Variants in C8orf34 observed in about 807,000 individuals in gnomAD.
C8orf34 encodes uncharacterized protein C8orf34.
Under a neutral mutation model 68.3 loss-of-function variants are expected in C8orf34, and 65 were observed. That is an observed-to-expected ratio of 0.95 (90% CI 0.78 to 1.17). The LOEUF is 1.17. Ranked by LOEUF, C8orf34 falls within the 50% of genes most tolerant of loss-of-function variation. The probability of loss-of-function intolerance (pLI) is 0.00; values close to 1 mark genes in which losing one functional copy is unlikely to be tolerated. For synonymous variants in C8orf34, 244 were observed against 241.2 expected (o/e 1.01, Z -0.11); for missense variants, 664 against 655.4 (o/e 1.01, Z -0.14).
chr8:68,770,577 AC>A (rs1823310788), intron 10 of C8orf34, among the ~76,000 whole-genome samples: 1 of 152,150 alleles, frequency 6.6e-6, no homozygotes, highest in African/African-American at 2.4e-5. Context: ...TTCTTGTCCA[AC>A]ATCCACTGAT....
intron 10 of C8orf34, among the ~76,000 whole-genome samples, chr8:68,741,446 A>G (rs1822290592): frequency 6.6e-6 from 1 of 152,132 alleles, no homozygotes; most frequent in Non-Finnish European, 1.5e-5. Flanking sequence ...AACCTCAAGC[A>G]CTTATTCTTC....
intron 8 of C8orf34, among the ~76,000 whole-genome samples, chr8:68,685,636 G>T (rs960964773): frequency 2.0e-5 from 3 of 151,916 alleles, no homozygotes; most frequent in Admixed American, 1.3e-4. Context: ...CAGGTGGATT[G>T]CTTGAGCCCA....
intron 3 of C8orf34, among the ~76,000 whole-genome samples, chr8:68,460,056 C>T (rs573304658): frequency 1.8e-3 from 271 of 152,124 alleles, no homozygotes; most frequent in African/African-American, 5.4e-3. Context: ...GGGTGACAGA[C>T]GGCACCTGGA....
At chr8:68,465,169 A>G (rs1812055750) in intron 3 of C8orf34, among the ~76,000 whole-genome samples, 1 of 152,196 alleles carries the variant, frequency 6.6e-6, no homozygotes, top group Admixed American at 6.5e-5. Context: ...ACAAAAGAAG[A>G]CAATTATGCA....
chr8:68,598,860 G>GA (rs1465831230), intron 7 of C8orf34, among the ~76,000 whole-genome samples: 2 of 152,116 alleles, frequency 1.3e-5, no homozygotes, highest in Non-Finnish European at 2.9e-5. Flanking sequence ...GGACGAGGAA[G>GA]AGGATTTTCT....
At chr8:68,423,554 G>C (rs1317487872) in intron 1 of C8orf34, among the ~76,000 whole-genome samples, 1 of 152,126 alleles carries the variant, frequency 6.6e-6, no homozygotes, top group Non-Finnish European at 1.5e-5. Context: ...CAAGTCTCTA[G>C]GAAGCTCCAA....
intron 8 of C8orf34, among the ~76,000 whole-genome samples, chr8:68,679,158 G>T (rs554169743): frequency 2.0e-5 from 3 of 151,898 alleles, no homozygotes; most frequent in African/African-American, 4.8e-5. Context: ...ATGGTGGCAC[G>T]CACCTATAGT....
chr8:68,633,639 A>G (rs1368138374), intron 7 of C8orf34, among the ~76,000 whole-genome samples: 1 of 152,190 alleles, frequency 6.6e-6, no homozygotes, highest in African/African-American at 2.4e-5. Context: ...TCTTCTTAAC[A>G]AACTAAATTT....
At chr8:68,591,213 A>G (rs1563548494) in intron 7 of C8orf34, among the ~76,000 whole-genome samples, 1 of 152,160 alleles carries the variant, frequency 6.6e-6, no homozygotes. Context: ...TAACTCTTTT[A>G]TTTGGCAAAA....
At chr8:68,430,848 C>A (rs1810423644) in intron 1 of C8orf34, among the ~76,000 whole-genome samples, 1 of 151,980 alleles carries the variant, frequency 6.6e-6, no homozygotes, top group African/African-American at 2.4e-5. Flanking sequence ...TGAGAGAGAC[C>A]AAACAGGCAA....
intron 10 of C8orf34, among the ~76,000 whole-genome samples, chr8:68,736,536 A>G (rs566026975): frequency 6.6e-6 from 1 of 152,122 alleles, no homozygotes; most frequent in Non-Finnish European, 1.5e-5. Flanking sequence ...AGAGAGTTCC[A>G]TGATGTAGAT....
chr8:68,344,686 A>G (rs774793432), intron 1 of C8orf34, among the ~76,000 whole-genome samples: 6 of 152,180 alleles, frequency 3.9e-5, no homozygotes, highest in Non-Finnish European at 7.4e-5. Context: ...GAAAGTAGAC[A>G]GGGTTGCATA....
intron 8 of C8orf34, among the ~76,000 whole-genome samples, chr8:68,660,438 T>G (rs898935599): frequency 2.2e-4 from 34 of 151,882 alleles, no homozygotes; most frequent in African/African-American, 8.2e-4. Flanking sequence ...TAACAGGGGG[T>G]CTGGAGGGTG....
chr8:68,541,466 A>G (rs1815698446), intron 7 of C8orf34, among the ~76,000 whole-genome samples: 1 of 152,034 alleles, frequency 6.6e-6, no homozygotes, highest in Non-Finnish European at 1.5e-5. Flanking sequence ...ATTTTGTCTC[A>G]GAAAGAAAAA....
intron 7 of C8orf34, among the ~76,000 whole-genome samples, chr8:68,627,820 T>A (rs28460314): frequency 0.043 from 6,558 of 152,268 alleles, 480 homozygotes; most frequent in African/African-American, 0.15. Context: ...TCTAGTCTAC[T>A]AATTTTTACA....
intron 6 of C8orf34, among the ~76,000 whole-genome samples, chr8:68,522,895 C>T (rs141787273): frequency 2.8e-4 from 43 of 152,274 alleles, no homozygotes; most frequent in African/African-American, 9.6e-4. Context: ...GCCACAGTAA[C>T]TTGGCATTTT....
chr8:68,799,035 G>A (rs1824257233), intron 12 of C8orf34, among the ~76,000 whole-genome samples: 1 of 152,086 alleles, frequency 6.6e-6, no homozygotes, highest in African/African-American at 2.4e-5. Context: ...ATCAGAGAAG[G>A]CTGTATTTAA....
At chr8:68,528,339 C>T (rs915015899) in intron 6 of C8orf34, among the ~76,000 whole-genome samples, 3 of 152,162 alleles carry the variant, frequency 2.0e-5, no homozygotes, top group African/African-American at 7.2e-5. Flanking sequence ...TACCACCTGT[C>T]GTCTTTCTAG....
intron 1 of C8orf34, among the ~76,000 whole-genome samples, chr8:68,362,856 C>T (rs13264889): frequency 0.39 from 55,340 of 140,172 alleles, 11,270 homozygotes; most frequent in Non-Finnish European, 0.44. Flanking sequence ...TCCAAAGGAA[C>T]GCAGCTCCTC....
Sources: gnomAD v4.1 joint callset for allele counts (sites outside exome capture counted in the v4.1 genomes callset) on GRCh38, gnomAD v4.1.1 for gene constraint, MANE v1.5 for transcripts, NCBI Gene and HGNC (gene_info 2026-07-23, HGNC 2026-07-21) for gene names.